SYT2: variants seen among roughly 807,000 people sequenced by gnomAD.
SYT2 encodes the protein synaptotagmin 2, also known as synaptotagmin-2.
SYT2 carries 15 observed loss-of-function variants against 39.9 expected under a neutral mutation model. The ratio of observed to expected loss-of-function variants is 0.38; its 90% confidence interval spans 0.25 to 0.58. The LOEUF is 0.58. SYT2 is among the 20% of genes least tolerant of loss of function. The pLI, the probability that SYT2 is intolerant of heterozygous loss-of-function variation, is 0.70. For synonymous variants in SYT2, 181 were observed against 204.5 expected (o/e 0.89, Z 0.98); for missense variants, 389 against 530.3 (o/e 0.73, Z 2.62).
At chr1:202,609,929 G>A (rs1185644556) in intron 1 of SYT2, among the ~76,000 whole-genome samples, 1 of 152,208 alleles carries the variant, frequency 6.6e-6, no homozygotes. Context: ...TGTTGCCATT[G>A]CTTTTGGTGT....
In SYT2 at chr1:202,591,930, G is replaced by C. The variant is rs1409609534; in HGVS notation, c.*4827C>G. 2.0e-5 allele frequency: 3 copies of C among 152,924 alleles called. No individual in the cohort carries two copies. The allele number at this position is 152,924 out of a possible 1,614,324, so 9.5% of individuals were successfully genotyped here. A position where few individuals can be genotyped will look rare whatever the true frequency, so the allele number is the denominator to read the frequency against. The stretch of plus-strand genomic sequence containing the variant: ...CTGTGAACCCAGGCCGAGAAAGCCA[G>C]CTCGGGCAGGGCCAGCATGGGCATC... On this transcript the variant is annotated 3_prime_UTR_variant, in exon 9 of 9. Transcript: ENST00000367268.
chr1:202,650,390 A>G (rs1421942481), intron 1 of SYT2, among the ~76,000 whole-genome samples: 2 of 151,558 alleles, frequency 1.3e-5, no homozygotes, highest in Non-Finnish European at 2.9e-5. Context: ...CGTCTCTTCC[A>G]GAGTAGCTGG....
rs748953058 is a variant in SYT2 at position 202,602,064 on chromosome 1, G to A, written c.634-7C>T. On this transcript the variant is annotated splice_polypyrimidine_tract_variant and splice_region_variant and intron_variant, in intron 5 of 8. Transcript: ENST00000367268. Reference sequence around the variant, plus strand: ...CAAGCTCCTGGTATGGCACCTGCAGGGCACAAGCAGAATCAGAGGGGGCCA... The same window carrying A: ...CAAGCTCCTGGTATGGCACCTGCAGAGCACAAGCAGAATCAGAGGGGGCCA... 1.9e-6 allele frequency: 3 copies of A among 1,613,892 alleles called. No individual in the cohort carries two copies. The highest frequency in any genetic ancestry group is 1.7e-6 in the Non-Finnish European group (2 of 1,179,878).
rs1558421377 is a variant in SYT2 at position 202,599,192 on chromosome 1, T to G, written c.1053+26A>C. On this transcript the variant is annotated intron_variant, in intron 8 of 8. Coordinates refer to ENST00000367268, the MANE Select transcript of SYT2 (RefSeq NM_177402.5). This position sits in a 1 kb window ranked among gnomAD's most constrained non-coding sequence, Gnocchi z 4.4. The stretch of plus-strand genomic sequence containing the variant: ...GTTTGCCTCCCCAAACCCTGCTCCA[T>G]GCCTAGGAACCCAGGGCTCCAGCAC... 1 of 1,611,780 alleles carries G rather than the reference T, an allele frequency of 6.2e-7. No individual in the cohort carries two copies. The highest frequency in any genetic ancestry group is 8.5e-7 in the Non-Finnish European group (1 of 1,179,116).
intron 1 of SYT2, chr1:202,630,459 G>C (rs1283799212): frequency 2.1e-6 from 2 of 944,282 alleles, no homozygotes; most frequent in African/African-American, 3.6e-5. Flanking sequence ...CTGAGGAAAG[G>C]CTTCCTGGAA....
chr1:202,666,864 C>T (rs1013470733), intron 1 of SYT2, among the ~76,000 whole-genome samples: 12 of 152,144 alleles, frequency 7.9e-5, no homozygotes, highest in Non-Finnish European at 5.9e-5. Flanking sequence ...TGCCTGTGAT[C>T]CCAGGTACTC....
At position 202,630,402 on chromosome 1, in the gene SYT2, C is replaced by T. The variant is rs188606226; in HGVS notation, c.-17-24613G>A. The T allele has an allele frequency of 7.1e-6, 7 of 985,336 alleles. No homozygotes were observed. In the East Asian group the frequency reaches 8.0e-4, roughly 112 times the overall value. The allele number at this position is 985,336 out of a possible 1,614,324, so 61.0% of individuals were successfully genotyped here. On this transcript the variant is annotated intron_variant, in intron 1 of 8. Transcript: ENST00000367268. ...CCGGCTTTCCCATGATGCACAGGCG[C>T]TTCTGCTGAGAACCACAGGGCAAAG... is the stretch of plus-strand genomic sequence containing the variant.
In SYT2 at chr1:202,673,050, G is replaced by T. The variant is rs144037368; in HGVS notation, c.-18+37208C>A. Reference sequence around the variant, plus strand: ...ACAATATCCAAACGTTTGCTAGTGTGTAAACTAAATGAAAATATTTTTCAT... The same window carrying T: ...ACAATATCCAAACGTTTGCTAGTGTTTAAACTAAATGAAAATATTTTTCAT... On this transcript the variant is annotated intron_variant, in intron 1 of 8. Transcript: ENST00000367268. Among the ~76,000 whole-genome samples, 394 of 152,214 alleles carry T rather than the reference G, an allele frequency of 2.6e-3. 1 individual carries two copies. The highest frequency in any genetic ancestry group is 8.8e-3 in the African/African-American group (365 of 41,520).
At chr1:202,624,695 GTGTAGTAGGGTGTGTGTGTGGTA>G (rs1354306857) in intron 1 of SYT2, among the ~76,000 whole-genome samples, 7 of 140,352 alleles carry the variant, frequency 5.0e-5, no homozygotes, top group African/African-American at 7.9e-5. Context: ...TGTGTGTTGC[GTGTAGTAGGGTGTGTGTGTGGTA>G]TGTAGTAGGG....
Position 202,602,517 on chromosome 1 carries a change from T to G in SYT2, c.494A>C (p.Glu165Ala). Residue 165 changes from glutamate to alanine, a missense_variant, in exon 5 of 9, where the codon GAA (glutamate) becomes GCA (alanine). Physicochemically the swap from Glu to Ala is moderately radical, Grantham distance 107 (BLOSUM62 -1). Around this residue, in one of 4 missense-constraint regions of SYT2, gnomAD observed 280 missense variants for 335.6 expected, o/e 0.83. Coordinates refer to ENST00000367268, the MANE Select transcript of SYT2 (RefSeq NM_177402.5). The part of the protein sequence containing the change: ...QLTVGVLQAA[E>A]LPALDMGGTS... ...GCCTCCCATGTCCAGGGCAGGCAGTTCAGCAGCCTGCAGAACGCCCACAGT... is the reference window on the plus strand; with the variant it reads ...GCCTCCCATGTCCAGGGCAGGCAGTGCAGCAGCCTGCAGAACGCCCACAGT... 6.2e-7 allele frequency: 1 copy of G among 1,613,676 alleles called. No individual in the cohort carries two copies. The highest frequency in any genetic ancestry group is 8.5e-7 in the Non-Finnish European group (1 of 1,179,916).
At chr1:202,602,881 A>G in intron 4 of SYT2, 118 bp downstream of exon 4, 21 of 1,308,276 alleles carry the variant, frequency 1.6e-5, no homozygotes, top group Non-Finnish European at 2.2e-5. Context: ...AGCCTGCCTC[A>G]TTCTATGGAA....
At chr1:202,642,718 C>A (rs537384385) in intron 1 of SYT2, among the ~76,000 whole-genome samples, 20 of 152,322 alleles carry the variant, frequency 1.3e-4, no homozygotes, top group Admixed American at 1.2e-3. Context: ...TCCGGCACAC[C>A]CCCCTCTGCG....
In SYT2 at chr1:202,591,418, A is replaced by C. The variant is rs1690113297; in HGVS notation, c.*5339T>G. On this transcript the variant is annotated 3_prime_UTR_variant, in exon 9 of 9. Transcript: ENST00000367268. Reference sequence around the variant, plus strand: ...GGCAGGGGGGCTACCTGTCCCTCTCAGTTCAACAGGATGACCTGGGGCCTT... The same window carrying C: ...GGCAGGGGGGCTACCTGTCCCTCTCCGTTCAACAGGATGACCTGGGGCCTT... 1 of 152,408 alleles carries C rather than the reference A, an allele frequency of 6.6e-6. No homozygotes were observed. The highest frequency in any genetic ancestry group is 2.4e-5 in the African/African-American group (1 of 41,422). The allele number at this position is 152,408 out of a possible 1,614,324, so 9.4% of individuals were successfully genotyped here.
At chr1:202,600,661 C>A (rs1244743510) in intron 6 of SYT2, among the ~76,000 whole-genome samples, 187 bp from the exon 7 acceptor site, 1 of 152,208 alleles carries the variant, frequency 6.6e-6, no homozygotes, top group Non-Finnish European at 1.5e-5. Flanking sequence ...TGATGCAGTG[C>A]AACAAAGTCC....
intron 1 of SYT2, among the ~76,000 whole-genome samples, chr1:202,708,418 G>A (rs1411507155): frequency 1.3e-5 from 2 of 152,082 alleles, no homozygotes; most frequent in Non-Finnish European, 2.9e-5. Context: ...AAGGAGGGGA[G>A]AAGGTAAGGA....
rs370292478 is a variant in SYT2, at chr1:202,659,702, C to T, written c.-18+50556G>A. ...CCTGGAGGGGCTGCGAGAGCCCCATCTGCCCTTCTCCTCTAATGTTGGGTC... is the reference window on the plus strand; with the variant it reads ...CCTGGAGGGGCTGCGAGAGCCCCATTTGCCCTTCTCCTCTAATGTTGGGTC... On this transcript the variant is annotated intron_variant, in intron 1 of 8. Coordinates refer to ENST00000367268, the MANE Select transcript of SYT2 (RefSeq NM_177402.5). 1.2e-4 allele frequency among the ~76,000 whole-genome samples: 19 copies of T among 152,320 alleles called. 1 individual carries two copies. The highest frequency in any genetic ancestry group is 7.8e-4 in the Admixed American group (12 of 15,300).
At chr1:202,699,733 A>G (rs1479107694) in intron 1 of SYT2, among the ~76,000 whole-genome samples, 1 of 152,190 alleles carries the variant, frequency 6.6e-6, no homozygotes, top group Non-Finnish European at 1.5e-5. Flanking sequence ...AAAAAATGAC[A>G]GAATATACAG....
chr1:202,597,819 A>C (rs888406569), intron 8 of SYT2, among the ~76,000 whole-genome samples: 1 of 152,208 alleles, frequency 6.6e-6, no homozygotes, highest in African/African-American at 2.4e-5. Context: ...AGGCAGGGAC[A>C]GTGGGGATGG....
rs560627812 is a variant in SYT2, at chr1:202,632,072, G to C, written c.-17-26283C>G. On this transcript the variant is annotated intron_variant, in intron 1 of 8. Coordinates refer to ENST00000367268, the MANE Select transcript of SYT2 (RefSeq NM_177402.5). ...ACTCTGCAGGAAGGGGCTGAGGTGG[G>C]GTAAGAGGGGAGAAACAAGACAGAA... 4.1e-6 allele frequency: 4 copies of C among 985,402 alleles called. No homozygotes were observed. In the East Asian group the frequency reaches 4.5e-4, roughly 112 times the overall value. The allele number at this position is 985,402 out of a possible 1,614,324, so 61.0% of individuals were successfully genotyped here.
Sources: gnomAD v4.1 joint callset for allele counts (sites outside exome capture counted in the v4.1 genomes callset) on GRCh38, gnomAD v4.1.1 for gene constraint, gnomAD v4.1.1 regional missense constraint, Gnocchi (gnomAD v3.1) non-coding constraint, MANE v1.5 for transcripts, NCBI Gene and HGNC (gene_info 2026-07-23, HGNC 2026-07-21) for gene names.